The following PALLD variants were observed in gnomAD, a reference collection of about 807,000 sequenced individuals.
PALLD encodes palladin, cytoskeletal associated protein, also known as palladin.
PALLD carries 61 observed loss-of-function variants against 123.5 expected under a neutral mutation model. That is an observed-to-expected ratio of 0.49 (90% CI 0.40 to 0.61). PALLD has a LOEUF of 0.61. Ranked by LOEUF, PALLD falls within the 20% of genes least tolerant of loss-of-function variation. PALLD has a pLI of 0.00. For missense variants in PALLD, 1,273 were observed against 1,377.0 expected (o/e 0.92, Z 1.20); for synonymous variants, 465 against 496.4 (o/e 0.94, Z 0.84).
intron 4 of PALLD, among the ~76,000 whole-genome samples, chr4:168,681,693 C>T (rs951943751): frequency 3.3e-5 from 5 of 151,786 alleles, no homozygotes; most frequent in South Asian, 2.1e-4. Flanking sequence ...TATAGGCATA[C>T]ACCACCACAC....
intron 10 of PALLD, among the ~76,000 whole-genome samples, chr4:168,719,734 C>T (rs945058381): frequency 3.3e-5 from 5 of 152,168 alleles, no homozygotes; most frequent in Non-Finnish European, 7.3e-5. Context: ...TCCTCCCGCT[C>T]TCCACCCTCA....
At chr4:168,755,174 G>A (rs187324073) in intron 10 of PALLD, among the ~76,000 whole-genome samples, 319 of 151,386 alleles carry the variant, frequency 2.1e-3, no homozygotes, top group Middle Eastern at 3.4e-3. Context: ...CGGAGCTTGC[G>A]GTGAGCCGAG....
At chr4:168,532,752 C>G (rs1764725150) in intron 2 of PALLD, among the ~76,000 whole-genome samples, 1 of 152,156 alleles carries the variant, frequency 6.6e-6, no homozygotes, top group African/African-American at 2.4e-5. Flanking sequence ...GAGGGAGATT[C>G]ATGGAGGCCA....
chr4:168,675,755 G>A (rs1403801850), intron 3 of PALLD, among the ~76,000 whole-genome samples: 1 of 152,062 alleles, frequency 6.6e-6, no homozygotes. Flanking sequence ...ATAAAAAGAA[G>A]ATATAAAAAT....
chr4:168,663,260 C>G (rs2149988651), intron 2 of PALLD, among the ~76,000 whole-genome samples: 1 of 152,216 alleles, frequency 6.6e-6, no homozygotes, highest in Admixed American at 6.5e-5. Context: ...AGGGGGCATG[C>G]CACACCACAG....
chr4:168,912,921 T>A (rs35509502), intron 15 of PALLD, among the ~76,000 whole-genome samples: 1 of 152,130 alleles, frequency 6.6e-6, no homozygotes, highest in Non-Finnish European at 1.5e-5. Context: ...GAACAAAATA[T>A]AGGTTTTTTT....
chr4:168,833,258 T>C (rs1308150763), intron 10 of PALLD, among the ~76,000 whole-genome samples: 1 of 151,920 alleles, frequency 6.6e-6, no homozygotes, highest in East Asian at 1.9e-4. Context: ...AGAGGGGGCG[T>C]CTCGGTCGGG....
At chr4:168,883,248 T>C (rs1222144479) in intron 10 of PALLD, among the ~76,000 whole-genome samples, 2 of 152,202 alleles carry the variant, frequency 1.3e-5, no homozygotes, top group East Asian at 3.9e-4. Flanking sequence ...AGCCTTTGCT[T>C]TACCGTAAAA....
chr4:168,881,143 G>C (rs993901815), intron 10 of PALLD, among the ~76,000 whole-genome samples: 1 of 152,146 alleles, frequency 6.6e-6, no homozygotes, highest in East Asian at 1.9e-4. Context: ...GACCTCAGGT[G>C]ATCCGCCTGC....
intron 10 of PALLD, among the ~76,000 whole-genome samples, chr4:168,863,035 C>T (rs143266362): frequency 1.3e-5 from 2 of 152,236 alleles, no homozygotes; most frequent in African/African-American, 2.4e-5. Flanking sequence ...CAGCCTCTTC[C>T]GATAAATGCT....
At chr4:168,770,722 G>A (rs138137047) in intron 10 of PALLD, among the ~76,000 whole-genome samples, 2 of 141,872 alleles carry the variant, frequency 1.4e-5, no homozygotes, top group Middle Eastern at 3.7e-3. Context: ...TTCAGAGAGA[G>A]CCAGAGCTTC....
At chr4:168,788,357 A>C (rs1193930396) in intron 10 of PALLD, among the ~76,000 whole-genome samples, 1 of 152,172 alleles carries the variant, frequency 6.6e-6, no homozygotes, top group Non-Finnish European at 1.5e-5. Context: ...TATATTTTTA[A>C]TGTGAAGCCA....
chr4:168,686,840 G>A (rs1394968955), intron 6 of PALLD: 2 of 152,198 alleles, frequency 1.3e-5, no homozygotes, highest in African/African-American at 4.8e-5. Context: ...ATAAGGTAGT[G>A]TTAGGAAGGA....
chr4:168,517,621 T>A (rs895739851), intron 2 of PALLD, among the ~76,000 whole-genome samples: 1 of 152,136 alleles, frequency 6.6e-6, no homozygotes, highest in Non-Finnish European at 1.5e-5. Flanking sequence ...AAACAAGCCA[T>A]GAATTTACTT....
Position 168,691,257 on chromosome 4 carries a change from T to C in PALLD, c.1478-12T>C. ...ACTTTGTTCTAATTTATTTTTTTCA[T>C]GTGGCAAACAGAACCTAGATCTACA... On this transcript the variant is annotated splice_polypyrimidine_tract_variant and intron_variant, in intron 7 of 21. Transcript: ENST00000505667. 3 of 1,606,004 alleles carry C rather than the reference T, an allele frequency of 1.9e-6. No individual in the cohort carries two copies. The highest frequency in any genetic ancestry group is 1.1e-5 in the South Asian group (1 of 90,528).
chr4:168,632,161 G>GA (rs1775893004), intron 2 of PALLD, among the ~76,000 whole-genome samples: 1 of 151,518 alleles, frequency 6.6e-6, no homozygotes, highest in Non-Finnish European at 1.5e-5. Flanking sequence ...GCGTGAGGTT[G>GA]AATAATCTCT....
intron 10 of PALLD, among the ~76,000 whole-genome samples, chr4:168,715,959 A>C (rs911324683): frequency 7.9e-5 from 12 of 152,146 alleles, no homozygotes; most frequent in Admixed American, 7.8e-4. Flanking sequence ...CAAAAAAAAA[A>C]AAGTCAAAAC....
intron 1 of PALLD, among the ~76,000 whole-genome samples, chr4:168,506,589 C>T (rs916095822): frequency 6.6e-6 from 1 of 152,116 alleles, no homozygotes; most frequent in Non-Finnish European, 1.5e-5. Flanking sequence ...CAGCTTCTCC[C>T]TTCTTACTGC....
chr4:168,527,517 G>T (rs1182319925), intron 2 of PALLD, among the ~76,000 whole-genome samples: 1 of 150,880 alleles, frequency 6.6e-6, no homozygotes, highest in African/African-American at 2.4e-5. Flanking sequence ...TAACCTCTTT[G>T]GGGTTCTGTA....
Sources: gnomAD v4.1 joint callset for allele counts (sites outside exome capture counted in the v4.1 genomes callset) on GRCh38, gnomAD v4.1.1 for gene constraint, MANE v1.5 for transcripts, NCBI Gene and HGNC (gene_info 2026-07-23, HGNC 2026-07-21) for gene names.